Variants in DOCK1 observed in about 807,000 individuals in gnomAD.
DOCK1 encodes the protein dedicator of cytokinesis 1.
DOCK1 carries 138 observed loss-of-function variants against 262.7 expected under a neutral mutation model. The ratio of observed to expected loss-of-function variants is 0.53; its 90% confidence interval spans 0.46 to 0.61. The LOEUF is 0.61. Ranked by LOEUF, DOCK1 falls within the 20% of genes least tolerant of loss-of-function variation. The probability of loss-of-function intolerance (pLI) is 0.00; values close to 1 mark genes in which losing one functional copy is unlikely to be tolerated. For synonymous variants in DOCK1, 866 were observed against 867.4 expected (o/e 1.00, Z 0.03); for missense variants, 1,908 against 2,370.7 (o/e 0.80, Z 4.05).
chr10:127,288,956 T>A (rs2061258267), intron 29 of DOCK1, among the ~76,000 whole-genome samples: 1 of 152,112 alleles, frequency 6.6e-6, no homozygotes, highest in African/African-American at 2.4e-5. Flanking sequence ...CAATTTGATA[T>A]TTAGGATAAT....
At chr10:127,138,461 G>C (rs972029083) in intron 27 of DOCK1, among the ~76,000 whole-genome samples, 1 of 152,138 alleles carries the variant, frequency 6.6e-6, no homozygotes, top group South Asian at 2.1e-4. Flanking sequence ...CAAGATCAGA[G>C]AAATCTATTT....
chr10:126,956,713 C>T (rs1165044357), intron 1 of DOCK1, among the ~76,000 whole-genome samples: 1 of 152,166 alleles, frequency 6.6e-6, no homozygotes, highest in Admixed American at 6.5e-5. Context: ...TGTCATCCTC[C>T]CATTTCATGG....
At chr10:126,933,826 T>C (rs1591361047) in intron 1 of DOCK1, among the ~76,000 whole-genome samples, 1 of 152,194 alleles carries the variant, frequency 6.6e-6, no homozygotes, top group Non-Finnish European at 1.5e-5. Context: ...TTTTAATCTT[T>C]TTTTTGAGAC....
intron 1 of DOCK1, among the ~76,000 whole-genome samples, chr10:126,951,636 A>G (rs1458889545): frequency 1.3e-5 from 2 of 151,662 alleles, no homozygotes; most frequent in Non-Finnish European, 2.9e-5. Context: ...TGGTGGTAGT[A>G]TTGTTGTTTG....
At chr10:126,970,567 C>CA in intron 1 of DOCK1, 135 bp from the exon 2 acceptor site, 1 of 648,364 alleles carries the variant, frequency 1.5e-6, no homozygotes, top group South Asian at 2.0e-5. Context: ...CTGTGGGTAT[C>CA]AGAGAGGATG....
intron 16 of DOCK1, among the ~76,000 whole-genome samples, chr10:127,027,784 G>A (rs371904318): frequency 1.2e-4 from 18 of 152,100 alleles, no homozygotes; most frequent in African/African-American, 4.3e-4. Context: ...CCCTCCATGT[G>A]GGGTGGGTGT....
intron 23 of DOCK1, among the ~76,000 whole-genome samples, chr10:127,065,184 A>T (rs919361682): frequency 6.6e-6 from 1 of 151,516 alleles, no homozygotes; most frequent in African/African-American, 2.4e-5. Flanking sequence ...AATTTTTTTG[A>T]ATTTTTAGTA....
chr10:127,039,778 G>A (rs1007424819), intron 19 of DOCK1, among the ~76,000 whole-genome samples: 6 of 152,198 alleles, frequency 3.9e-5, no homozygotes, highest in Admixed American at 2.6e-4. Context: ...TCCCTTCTGA[G>A]TATTGATGAC....
intron 1 of DOCK1, among the ~76,000 whole-genome samples, chr10:126,949,690 G>C (rs2036017396): frequency 1.3e-5 from 2 of 152,146 alleles, no homozygotes; most frequent in Admixed American, 6.5e-5. Context: ...GAAGGATCTG[G>C]AGGGGAAAAG....
chr10:127,356,673 C>T (rs2064160949), intron 32 of DOCK1, among the ~76,000 whole-genome samples: 1 of 152,068 alleles, frequency 6.6e-6, no homozygotes, highest in South Asian at 2.1e-4. Context: ...GGGGGCTGTT[C>T]TCTGTTGGAA....
intron 12 of DOCK1, among the ~76,000 whole-genome samples, chr10:127,014,474 C>T (rs74161526): frequency 0.047 from 7,191 of 152,192 alleles, 568 homozygotes; most frequent in African/African-American, 0.16. Flanking sequence ...AAGATATTTG[C>T]GCAGGCCGGC....
intron 1 of DOCK1, among the ~76,000 whole-genome samples, chr10:126,912,880 A>G (rs576979181): frequency 6.6e-6 from 1 of 152,200 alleles, no homozygotes; most frequent in Non-Finnish European, 1.5e-5. Context: ...TGAGGTTAGA[A>G]CACTGACATA....
At chr10:127,408,519 A>T (rs905621347) in intron 40 of DOCK1, among the ~76,000 whole-genome samples, 1 of 152,220 alleles carries the variant, frequency 6.6e-6, no homozygotes, top group Admixed American at 6.5e-5. Context: ...GTCTCACAGG[A>T]GTCAGCGCCC....
chr10:127,139,247 T>C (rs2050994669), intron 27 of DOCK1, among the ~76,000 whole-genome samples: 2 of 152,202 alleles, frequency 1.3e-5, no homozygotes, highest in Admixed American at 1.3e-4. Context: ...TAGACAAATT[T>C]TGACATTTTG....
At chr10:127,183,828 C>G (rs555681183) in intron 27 of DOCK1, among the ~76,000 whole-genome samples, 3 of 152,166 alleles carry the variant, frequency 2.0e-5, no homozygotes, top group African/African-American at 7.2e-5. Context: ...AAAAATCTAC[C>G]TCTTATCAAT....
rs552256828 is a variant in DOCK1 at position 127,447,942 on chromosome 10, A to G, written c.5565+397A>G. 5.3e-5 allele frequency among the ~76,000 whole-genome samples: 8 copies of G among 152,326 alleles called. No individual in the cohort carries two copies. The East Asian group carries it at 1.2e-3, about 22-fold the overall frequency. On this transcript the variant is annotated intron_variant, in intron 51 of 51. Coordinates refer to ENST00000623213, the MANE Select transcript of DOCK1 (RefSeq NM_001290223.2). ...TCTGACTTTTTAAAGAGGTTGGCCA[A>G]TATCGCCCTGTATGGCAGGCACCTG...
At chr10:127,169,172 T>C (rs568397785) in intron 27 of DOCK1, among the ~76,000 whole-genome samples, 1 of 152,338 alleles carries the variant, frequency 6.6e-6, no homozygotes, top group Non-Finnish European at 1.5e-5. Flanking sequence ...ACATTATACA[T>C]ACATATTAGG....
intron 25 of DOCK1, among the ~76,000 whole-genome samples, chr10:127,119,526 G>A (rs142826335): frequency 6.0e-4 from 91 of 152,284 alleles, no homozygotes; most frequent in Non-Finnish European, 1.1e-3. Context: ...TGAATGGAGG[G>A]AGGAAAGCAC....
chr10:127,298,748 A>G (rs1388012477), intron 29 of DOCK1, among the ~76,000 whole-genome samples: 1 of 152,240 alleles, frequency 6.6e-6, no homozygotes, highest in Non-Finnish European at 1.5e-5. Flanking sequence ...TACAAAGCCC[A>G]GGGCCTGCAG....
Sources: allele counts gnomAD v4.1 joint callset (sites outside exome capture counted in the v4.1 genomes callset), GRCh38; gene constraint gnomAD v4.1.1; transcripts MANE v1.5; gene names NCBI Gene and HGNC (gene_info 2026-07-23, HGNC 2026-07-21).